The following COG5 variants were observed in gnomAD, a reference collection of about 807,000 sequenced individuals.
COG5 encodes the protein component of oligomeric golgi complex 5, also known as conserved oligomeric Golgi complex subunit 5.
COG5 carries 86 observed loss-of-function variants against 110.4 expected under a neutral mutation model. The ratio of observed to expected loss-of-function variants is 0.78; its 90% CI spans 0.65 to 0.93. The LOEUF (loss-of-function observed/expected upper bound fraction) is 0.93, where lower values mean the gene tolerates loss of function less well. COG5 is among the 40% of genes least tolerant of loss of function. COG5 has a pLI of 0.00. For missense variants in COG5, 1,077 were observed against 987.0 expected (o/e 1.09, Z -1.22); for synonymous variants, 360 against 334.6 (o/e 1.08, Z -0.83).
chr7:107,396,734 C>CA (rs1413200437), intron 7 of COG5, among the ~76,000 whole-genome samples: 1 of 152,006 alleles, frequency 6.6e-6, no homozygotes, highest in Non-Finnish European at 1.5e-5. Context: ...GACATTCTAA[C>CA]AAGTCATAGT....
chr7:107,401,826 G>A (rs1351009219), intron 7 of COG5, among the ~76,000 whole-genome samples: 2 of 152,154 alleles, frequency 1.3e-5, no homozygotes, highest in East Asian at 1.9e-4. Context: ...TGGGTCATAA[G>A]GGAAGGAAAA....
chr7:107,340,689 G>A (rs549681608), intron 10 of COG5, among the ~76,000 whole-genome samples: 4 of 152,174 alleles, frequency 2.6e-5, no homozygotes, highest in South Asian at 2.1e-4. Context: ...CACCATGATC[G>A]AGTTGGCTTC....
At chr7:107,293,039 A>G (rs59169077) in intron 12 of COG5, among the ~76,000 whole-genome samples, 2,861 of 152,246 alleles carry the variant, frequency 0.019, 89 homozygotes, top group African/African-American at 0.064. Context: ...TTGGGCAGCA[A>G]GAAATAGCAG....
chr7:107,531,651 T>A, intron 5 of COG5, among the ~76,000 whole-genome samples: 1 of 136,564 alleles, frequency 7.3e-6, no homozygotes, highest in African/African-American at 2.7e-5. Flanking sequence ...GGGGGGGAGG[T>A]GGGTGTTCTG....
At chr7:107,244,555 T>G (rs183617844) in intron 17 of COG5, among the ~76,000 whole-genome samples, 1 of 151,522 alleles carries the variant, frequency 6.6e-6, no homozygotes, top group Non-Finnish European at 1.5e-5. Context: ...TGAAAAAAAT[T>G]AATAAAATAG....
chr7:107,257,249 G>A (rs1014550449), intron 15 of COG5, among the ~76,000 whole-genome samples: 1 of 151,986 alleles, frequency 6.6e-6, no homozygotes, highest in African/African-American at 2.4e-5. Context: ...ATTTAAAGCA[G>A]GCTAGATAGA....
chr7:107,506,625 G>A (rs78343904), intron 6 of COG5, among the ~76,000 whole-genome samples: 9,030 of 152,204 alleles, frequency 0.059, 337 homozygotes, highest in Non-Finnish European at 0.089. Flanking sequence ...ACTTCGCAAG[G>A]CAGATCTCAC....
At chr7:107,397,154 C>T (rs1791076211) in intron 7 of COG5, among the ~76,000 whole-genome samples, 1 of 152,184 alleles carries the variant, frequency 6.6e-6, no homozygotes, top group Admixed American at 6.5e-5. Flanking sequence ...GGGCATGTGA[C>T]TCAAATCTGG....
intron 6 of COG5, among the ~76,000 whole-genome samples, chr7:107,525,584 G>C (rs1184314786): frequency 6.7e-6 from 1 of 148,776 alleles, no homozygotes; most frequent in African/African-American, 2.5e-5. Context: ...TCAAGATCTT[G>C]CTCTGTCACC....
chr7:107,543,879 C>A (rs186639017), intron 5 of COG5, among the ~76,000 whole-genome samples: 1 of 152,114 alleles, frequency 6.6e-6, no homozygotes, highest in Non-Finnish European at 1.5e-5. Flanking sequence ...CAGAACCTGG[C>A]CTCCTCTGGC....
chr7:107,263,334 G>T (rs1187759587), intron 14 of COG5, among the ~76,000 whole-genome samples: 2 of 152,148 alleles, frequency 1.3e-5, no homozygotes, highest in Non-Finnish European at 2.9e-5. Context: ...TTTTTTCAAA[G>T]CCTATCTTAT....
rs982356760 is a variant in COG5, at chr7:107,252,623, T to C, written c.1749+4109A>G. Among the ~76,000 whole-genome samples the C allele has an allele frequency of 4.6e-5, 7 of 152,106 alleles. No individual in the cohort carries two copies. In the South Asian group the frequency reaches 1.2e-3, roughly 27 times the overall value. ...GAAAATTTTATGACAATATACCTTA[T>C]GAATATAGATGTAAGTAAGCATCCT... On this transcript the variant is annotated intron_variant, in intron 16 of 21. Transcript: ENST00000297135.
intron 6 of COG5, among the ~76,000 whole-genome samples, chr7:107,509,377 T>C (rs565486761): frequency 2.2e-4 from 33 of 152,284 alleles, no homozygotes; most frequent in Admixed American, 5.9e-4. Context: ...GAACAAAGCC[T>C]CCAAGAAATA....
intron 6 of COG5, among the ~76,000 whole-genome samples, chr7:107,451,006 A>G (rs960000517): frequency 1.3e-5 from 2 of 152,178 alleles, no homozygotes; most frequent in African/African-American, 4.8e-5. Flanking sequence ...CTCATTACAT[A>G]TGGTACTCTA....
At chr7:107,220,750 T>C (rs551151318) in intron 19 of COG5, among the ~76,000 whole-genome samples, 2 of 151,712 alleles carry the variant, frequency 1.3e-5, no homozygotes, top group African/African-American at 2.4e-5. Context: ...ATATTGTAGG[T>C]CTGGTGTGCC....
chr7:107,469,438 T>C (rs1326327600), intron 6 of COG5, among the ~76,000 whole-genome samples: 1 of 152,162 alleles, frequency 6.6e-6, no homozygotes, highest in African/African-American at 2.4e-5. Context: ...TAAAAAATAT[T>C]TTAGGGTATT....
At position 107,563,856 on chromosome 7, in the gene COG5, C is replaced by A; in HGVS notation, c.41G>T (p.Gly14Val). ...TGCAGCCGCTCCAGAGCCTCGAGCT[C>A]CGAGGCCAGCTACAGCGACGCTGCC... The part of the protein sequence containing the change: ...GGGSVAVAGL[G>V]ARGSGAAAAT... The change falls in exon 1 of 22, where the codon GGA becomes GTA. Residue 14 changes from glycine to valine, a missense_variant. Transcript: ENST00000297135. 1.9e-6 allele frequency: 3 copies of A among 1,613,702 alleles called. No homozygotes were observed. The highest frequency in any genetic ancestry group is 2.5e-6 in the Non-Finnish European group (3 of 1,179,952).
Position 107,281,339 on chromosome 7 carries a change from T to C in COG5, c.1536A>G (p.Ala512=). The stretch of plus-strand genomic sequence containing the variant: ...TTACACTGTATAACTGGATGGTCTT[T>C]GCCACATTTTTTGACACAGCTAATG... ...NLTLAVSKNV[A]KTIQLYSVKS... The change falls in exon 14 of 22, where the codon GCA becomes GCG. Residue 512 remains alanine (A), a synonymous_variant. Transcript: ENST00000297135. 6.2e-7 allele frequency: 1 copy of C among 1,613,502 alleles called. No homozygotes were observed. Among genetic ancestry groups the C allele is most frequent in the Non-Finnish European group, 8.5e-7 (1 of 1,179,562 alleles).
chr7:107,225,158 C>G (rs916349296), intron 19 of COG5, among the ~76,000 whole-genome samples: 1 of 152,186 alleles, frequency 6.6e-6, no homozygotes, highest in African/African-American at 2.4e-5. Flanking sequence ...CATTGCCCTC[C>G]CCTGCAGCCA....
Sources: gnomAD v4.1 joint callset for allele counts (sites outside exome capture counted in the v4.1 genomes callset) on GRCh38, gnomAD v4.1.1 for gene constraint, MANE v1.5 for transcripts, NCBI Gene and HGNC (gene_info 2026-07-23, HGNC 2026-07-21) for gene names.